The following ASTN2 variants were observed in gnomAD, a reference collection of about 807,000 sequenced individuals.
ASTN2 encodes the protein astrotactin-2.
ASTN2 carries 54 observed loss-of-function variants against 139.8 expected under a neutral mutation model. That is an observed-to-expected ratio of 0.39 (90% CI 0.31 to 0.48). The LOEUF (loss-of-function observed/expected upper bound fraction) is 0.48. Ranked by LOEUF, ASTN2 falls within the 20% of genes least tolerant of loss-of-function variation. The pLI is 0.95. For missense variants in ASTN2, 1,565 were observed against 1,725.1 expected (o/e 0.91, Z 1.64); for synonymous variants, 756 against 719.5 (o/e 1.05, Z -0.81).
intron 20 of ASTN2, among the ~76,000 whole-genome samples, chr9:116,476,524 T>C (rs1366502699): frequency 1.3e-5 from 2 of 152,134 alleles, no homozygotes; most frequent in East Asian, 1.9e-4. Context: ...CCTGGTCCTT[T>C]CTCTGTATTC....
chr9:117,375,694 G>A (rs774554667), intron 1 of ASTN2, among the ~76,000 whole-genome samples: 2 of 152,152 alleles, frequency 1.3e-5, no homozygotes, highest in African/African-American at 2.4e-5. Flanking sequence ...ACTTAGTGAG[G>A]ATGTGTGTGA....
intron 13 of ASTN2, among the ~76,000 whole-genome samples, chr9:116,801,787 G>C (rs948358966): frequency 6.6e-6 from 1 of 151,968 alleles, no homozygotes; most frequent in Non-Finnish European, 1.5e-5. Flanking sequence ...AGCCAAGGAC[G>C]ACAGAGCTTA....
intron 22 of ASTN2, among the ~76,000 whole-genome samples, chr9:116,436,453 A>T (rs929989951): frequency 2.6e-5 from 4 of 152,190 alleles, no homozygotes; most frequent in African/African-American, 9.7e-5. Flanking sequence ...CAATTACTCA[A>T]CAACTAATTA....
intron 17 of ASTN2, among the ~76,000 whole-genome samples, chr9:116,644,129 G>C (rs1857475309): frequency 6.6e-6 from 1 of 152,122 alleles, no homozygotes; most frequent in Non-Finnish European, 1.5e-5. Flanking sequence ...AGTGATGGTA[G>C]GTACTGGTAA....
At chr9:116,563,766 A>G (rs1165884254) in intron 19 of ASTN2, among the ~76,000 whole-genome samples, 1 of 152,022 alleles carries the variant, frequency 6.6e-6, no homozygotes, top group East Asian at 1.9e-4. Flanking sequence ...TCCTTCTAGA[A>G]TCATCTTTTA....
At chr9:117,082,097 G>A (rs766103971) in intron 5 of ASTN2, among the ~76,000 whole-genome samples, 14 of 152,142 alleles carry the variant, frequency 9.2e-5, no homozygotes, top group Non-Finnish European at 1.9e-4. Context: ...CACGACCACA[G>A]AGTGCTGACA....
chr9:117,027,483 C>A (rs1214311986), intron 6 of ASTN2, among the ~76,000 whole-genome samples: 1 of 152,158 alleles, frequency 6.6e-6, no homozygotes, highest in East Asian at 1.9e-4. Flanking sequence ...CTGGGTGCTA[C>A]CTGCTCCTGC....
intron 16 of ASTN2, chr9:116,687,346 G>A (rs920222938): frequency 2.3e-6 from 2 of 864,948 alleles, no homozygotes; most frequent in African/African-American, 1.8e-5. Flanking sequence ...CGGGTGGGCT[G>A]CCGGCGGTGG....
intron 3 of ASTN2, among the ~76,000 whole-genome samples, chr9:117,175,826 A>G (rs1588043025): frequency 6.6e-6 from 1 of 152,304 alleles, no homozygotes; most frequent in East Asian, 1.9e-4. Context: ...TAAATTCCTC[A>G]GTTATTCACA....
intron 4 of ASTN2, among the ~76,000 whole-genome samples, chr9:117,102,985 G>A (rs1829018597): frequency 6.6e-6 from 1 of 152,104 alleles, no homozygotes; most frequent in Admixed American, 6.6e-5. Context: ...GCACAGAGTG[G>A]AAGAATTACA....
chr9:116,847,392 G>A (rs568702824), intron 11 of ASTN2, among the ~76,000 whole-genome samples: 1 of 152,284 alleles, frequency 6.6e-6, no homozygotes, highest in East Asian at 1.9e-4. Context: ...GGGATTACAG[G>A]CATGAGCCAC....
rs201502666 is a variant in ASTN2 at position 116,513,712 on chromosome 9, T to C, written c.3356-26212A>G. Among the ~76,000 whole-genome samples the C allele has an allele frequency of 2.6e-5, 4 of 152,246 alleles. No homozygotes were observed. The East Asian group carries it at 5.8e-4, about 22-fold the overall frequency. On this transcript the variant is annotated intron_variant, in intron 19 of 22. Coordinates refer to ENST00000313400, the MANE Select transcript of ASTN2 (RefSeq NM_001365068.1). ...CTTTGTTTGTTTCTTTTTATTCTTT[T>C]TTCTCTAAACTTCTCTTCTTGCTTC...
chr9:117,086,488 C>T (rs766278257), intron 5 of ASTN2, among the ~76,000 whole-genome samples: 41 of 152,234 alleles, frequency 2.7e-4, no homozygotes, highest in African/African-American at 9.4e-4. Flanking sequence ...GCAGGAGAAT[C>T]GCTTGAACAC....
chr9:117,181,393 G>T (rs1172877122), intron 3 of ASTN2, among the ~76,000 whole-genome samples: 2 of 152,186 alleles, frequency 1.3e-5, no homozygotes, highest in Non-Finnish European at 2.9e-5. Context: ...TGCTGAAATT[G>T]CCTGTTTACT....
chr9:116,492,829 T>C (rs1226360001), intron 19 of ASTN2, among the ~76,000 whole-genome samples: 2 of 152,162 alleles, frequency 1.3e-5, no homozygotes, highest in African/African-American at 4.8e-5. Context: ...ACATTTCTAA[T>C]ATGTCATATA....
intron 1 of ASTN2, among the ~76,000 whole-genome samples, chr9:117,298,194 T>C (rs999046258): frequency 2.0e-5 from 3 of 152,232 alleles, no homozygotes; most frequent in Admixed American, 2.0e-4. Context: ...TGGCCTGTTA[T>C]GTGCATTTCT....
At chr9:116,899,862 G>A (rs1418528876) in intron 10 of ASTN2, among the ~76,000 whole-genome samples, 1 of 152,066 alleles carries the variant, frequency 6.6e-6, no homozygotes, top group Non-Finnish European at 1.5e-5. Flanking sequence ...GGTATTTGAG[G>A]TATTTTTTCA....
intron 16 of ASTN2, chr9:116,701,213 G>C (rs975839481): frequency 1.2e-5 from 2 of 167,048 alleles, no homozygotes; most frequent in African/African-American, 4.8e-5. Flanking sequence ...GCTCAAAATT[G>C]TTTTTATGGT....
At chr9:117,396,265 G>A (rs1830673271) in intron 1 of ASTN2, among the ~76,000 whole-genome samples, 1 of 152,120 alleles carries the variant, frequency 6.6e-6, no homozygotes, top group African/African-American at 2.4e-5. Flanking sequence ...TATTTCAAAA[G>A]CTTACAGCTG....
Sources: allele counts gnomAD v4.1 joint callset (sites outside exome capture counted in the v4.1 genomes callset), GRCh38; gene constraint gnomAD v4.1.1; transcripts MANE v1.5; gene names NCBI Gene and HGNC (gene_info 2026-07-23, HGNC 2026-07-21).